The following ACTN2 variants were observed in gnomAD, a reference collection of about 807,000 sequenced individuals.
ACTN2 encodes the protein actinin alpha 2, also known as alpha-actinin-2.
In ACTN2, 39 loss-of-function variants were observed where a neutral mutation model predicts 113.8. That is an observed-to-expected ratio of 0.34 (90% CI 0.27 to 0.45). The LOEUF is 0.45. Ranked by LOEUF, ACTN2 falls within the 20% of genes least tolerant of loss-of-function variation. The pLI is 1.00. For missense variants in ACTN2, 992 were observed against 1,177.9 expected (o/e 0.84, Z 2.31); for synonymous variants, 429 against 444.1 (o/e 0.97, Z 0.43).
rs750217593 is a variant in ACTN2, at chr1:236,737,169, A to G, written c.831A>G (p.Gln277=). The part of the protein sequence containing the change: ...NRICKVLAVN[Q]ENERLMEEYE... ...TATGTAAGGTTCTTGCTGTGAATCA[A>G]GAGAATGAGAGGCTGATGGAAGAAT... Residue 277 remains glutamine, a synonymous_variant, in exon 9 of 21, where the codon CAA becomes CAG. Coordinates refer to ENST00000366578, the MANE Select transcript of ACTN2 (RefSeq NM_001103.4). 1 of 1,607,478 alleles carries G rather than the reference A, an allele frequency of 6.2e-7. No individual in the cohort carries two copies. The highest frequency in any genetic ancestry group is 8.5e-7 in the Non-Finnish European group (1 of 1,175,986).
At chr1:236,686,891 G>T in intron 1 of ACTN2, 92 bp downstream of exon 1, 1 of 1,273,350 alleles carries the variant, frequency 7.9e-7, no homozygotes, top group Non-Finnish European at 1.0e-6. Flanking sequence ...GGCGACTGGC[G>T]AGAGGGCGCT....
At chr1:236,712,678 A>G (rs1428007498) in intron 1 of ACTN2, among the ~76,000 whole-genome samples, 1 of 152,158 alleles carries the variant, frequency 6.6e-6, no homozygotes, top group African/African-American at 2.4e-5. Flanking sequence ...GAAACAAACA[A>G]ACAAAAAACA....
At position 236,747,793 on chromosome 1, in the gene ACTN2, C is replaced by T; in HGVS notation, c.1515+18C>T. 4 of 1,559,230 alleles carry T rather than the reference C, an allele frequency of 2.6e-6. No individual in the cohort carries two copies. Among genetic ancestry groups the T allele is most frequent in the Non-Finnish European group, 3.5e-6 (4 of 1,131,266 alleles). ...CCCTAGAGGTGAAGTATTGAAGCCA[C>T]TTGTTGACATGAAATCTTTTAATAG... On this transcript the variant is annotated intron_variant, in intron 13 of 20. Coordinates refer to ENST00000366578, the MANE Select transcript of ACTN2 (RefSeq NM_001103.4).
intron 10 of ACTN2, among the ~76,000 whole-genome samples, chr1:236,742,424 GC>G (rs1329958053): frequency 1.3e-5 from 2 of 152,164 alleles, no homozygotes; most frequent in Non-Finnish European, 2.9e-5. Context: ...TGTTTTGGAA[GC>G]CAGGTGTGGT....
intron 10 of ACTN2, among the ~76,000 whole-genome samples, chr1:236,741,203 C>A (rs943947731): frequency 7.9e-5 from 12 of 152,176 alleles, no homozygotes; most frequent in Non-Finnish European, 1.8e-4. Context: ...TCCCACCATG[C>A]CTGGCTAATT....
chr1:236,751,301 T>G (rs1262162454), intron 14 of ACTN2, among the ~76,000 whole-genome samples, 169 bp from the exon 15 acceptor site: 2 of 152,158 alleles, frequency 1.3e-5, no homozygotes, highest in African/African-American at 4.8e-5. Flanking sequence ...TTCCAGGAAC[T>G]TGACTTCTGT....
intron 11 of ACTN2, 35 bp from the exon 12 acceptor site, chr1:236,744,591 A>T (rs751563483): frequency 1.9e-6 from 3 of 1,612,766 alleles, no homozygotes; most frequent in Non-Finnish European, 2.5e-6. Context: ...CTGTGCCCTC[A>T]GCATATTCAT....
rs190295580 is a variant in ACTN2 at position 236,745,323 on chromosome 1, G to A, written c.1406+547G>A. ...GTGGCGGGTGCCTGTAGTCCCAGCT[G>A]CTCGGGAGGCTGAGGCAGGAGAATG... On this transcript the variant is annotated intron_variant, in intron 12 of 20. Transcript: ENST00000366578. 3.2e-3 allele frequency among the ~76,000 whole-genome samples: 489 copies of A among 152,166 alleles called. 1 individual carries two copies. Among genetic ancestry groups the A allele is most frequent in the African/African-American group, 9.1e-3 (376 of 41,510 alleles).
intron 6 of ACTN2, among the ~76,000 whole-genome samples, chr1:236,728,026 C>T (rs1024465575): frequency 1.3e-5 from 2 of 152,022 alleles, no homozygotes; most frequent in Non-Finnish European, 2.9e-5. Flanking sequence ...GATGATTTGG[C>T]TTGATTTACT....
intron 2 of ACTN2, 108 bp downstream of exon 2, chr1:236,718,080 C>G (rs1658274553): frequency 1.2e-6 from 1 of 861,610 alleles, no homozygotes; most frequent in South Asian, 1.4e-5. Context: ...TGGGCAAGAA[C>G]ATGGTATTAT....
intron 1 of ACTN2, among the ~76,000 whole-genome samples, chr1:236,698,621 C>T (rs6656267): frequency 0.15 from 22,524 of 152,006 alleles, 2,360 homozygotes; most frequent in African/African-American, 0.29. Flanking sequence ...GCATATTTGG[C>T]CTTTCATGTT....
chr1:236,753,997 T>C lies in ACTN2; in HGVS notation c.1890T>C (p.Ala630=), dbSNP rs1295668765. 1 of 1,614,058 alleles carries C rather than the reference T, an allele frequency of 6.2e-7. No homozygotes were observed. Among genetic ancestry groups the C allele is most frequent in the Non-Finnish European group, 8.5e-7 (1 of 1,180,056 alleles). ...IRDQSLQEEL[A]RQHANERLRR... is the part of the protein sequence containing the mutation. ...ATCAATCCCTGCAGGAGGAGCTGGC[T>C]CGCCAGCATGCTAACGAGCGTCTGA... The change falls in exon 16 of 21, where the codon GCT becomes GCC. Residue 630 remains alanine, a synonymous_variant. Coordinates refer to ENST00000366578, the MANE Select transcript of ACTN2 (RefSeq NM_001103.4).
chr1:236,719,146 A>T, intron 3 of ACTN2, 133 bp downstream of exon 3: 2 of 1,273,984 alleles, frequency 1.6e-6, no homozygotes, highest in Non-Finnish European at 2.2e-6. Context: ...GCTCTCTCTT[A>T]GGGCGCTCGG....
Position 236,762,684 on chromosome 1 carries a change from C to A in ACTN2, c.*65C>A. 6.4e-7 allele frequency: 1 copy of A among 1,571,018 alleles called. No homozygotes were observed. ...TAAAAGCGGAAGTCACAGTTTGTTT[C>A]CTGGAAACTTTGACAAGCTTTATTA... On this transcript the variant is annotated 3_prime_UTR_variant, in exon 21 of 21. Transcript: ENST00000366578.
intron 1 of ACTN2, among the ~76,000 whole-genome samples, chr1:236,694,696 T>G (rs1469482979): frequency 6.6e-6 from 1 of 152,222 alleles, no homozygotes. Flanking sequence ...CATTTAATGC[T>G]TTTTAAAAAT....
rs1658302897 is a variant in ACTN2 at position 236,719,000 on chromosome 1, C to T, written c.348C>T (p.Ser116=). ...CCAGCAAAGGGGTGAAACTGGTGTC[C>T]ATTGGCGCTGAAGGTGAGAGGTGTG... The part of the protein sequence containing the change: ...YIASKGVKLV[S]IGAEEIVDGN... Residue 116 remains serine, a synonymous_variant, in exon 3 of 21, where the codon TCC becomes TCT. Coordinates refer to ENST00000366578, the MANE Select transcript of ACTN2 (RefSeq NM_001103.4). 1 of 1,613,920 alleles carries T rather than the reference C, an allele frequency of 6.2e-7. No homozygotes were observed. The highest frequency in any genetic ancestry group is 1.7e-5 in the Admixed American group (1 of 59,980).
intron 1 of ACTN2, among the ~76,000 whole-genome samples, chr1:236,715,283 C>T (rs140054400): frequency 0.017 from 2,516 of 147,774 alleles, 77 homozygotes; most frequent in African/African-American, 0.059. Context: ...CATTAGGTAT[C>T]TCTCCTAATC....
At chr1:236,687,152 G>A (rs1345608701) in intron 1 of ACTN2, among the ~76,000 whole-genome samples, 2 of 152,100 alleles carry the variant, frequency 1.3e-5, no homozygotes, top group Admixed American at 1.3e-4. Context: ...TGGCCCGCTT[G>A]TGTCCATTTA....
Position 236,739,511 on chromosome 1 carries a change from C to T in ACTN2, c.1086C>T (p.Pro362=). Residue 362 remains proline (P), a synonymous_variant, in exon 10 of 21, where the codon CCC becomes CCT. Transcript: ENST00000366578. The part of the protein sequence containing the change: ...LRISNRPAFM[P]SEGKMVSDIA... ...TCAGCAACCGTCCTGCCTTCATGCC[C>T]TCCGAGGGCAAGATGGTGTCGGTGA... 6.2e-7 allele frequency: 1 copy of T among 1,614,086 alleles called. No individual in the cohort carries two copies. Among genetic ancestry groups the T allele is most frequent in the Non-Finnish European group, 8.5e-7 (1 of 1,179,940 alleles).
Sources: allele counts gnomAD v4.1 joint callset (sites outside exome capture counted in the v4.1 genomes callset), GRCh38; gene constraint gnomAD v4.1.1; transcripts MANE v1.5; gene names NCBI Gene and HGNC (gene_info 2026-07-23, HGNC 2026-07-21).